The following ASB5 variants were observed in gnomAD, a reference collection of about 807,000 sequenced individuals.
ASB5 encodes ankyrin repeat and SOCS box protein 5.
A neutral mutation model predicts 42.1 loss-of-function variants in ASB5; 45 were observed. The observed-to-expected ratio is 1.07, with a 90% confidence interval of 0.84 to 1.37. The LOEUF (loss-of-function observed/expected upper bound fraction) is 1.37. Ranked by LOEUF, ASB5 falls within the 40% of genes most tolerant of loss-of-function variation. The pLI is 0.00. For missense variants in ASB5, 402 were observed against 399.8 expected, an observed-to-expected ratio of 1.01 and a Z score of -0.05; for synonymous variants, 147 against 150.6, an observed-to-expected ratio of 0.98 and a Z score of 0.18.
chr4:176,268,469 T>C (rs1754403049), intron 1 of ASB5, among the ~76,000 whole-genome samples: 1 of 152,148 alleles, frequency 6.6e-6, no homozygotes, highest in Non-Finnish European at 1.5e-5. Flanking sequence ...AATCCCCTCT[T>C]TTTAATAACA....
chr4:176,220,710 GA>G (rs1191956445), intron 5 of ASB5, among the ~76,000 whole-genome samples: 1 of 152,166 alleles, frequency 6.6e-6, no homozygotes, highest in Non-Finnish European at 1.5e-5. Flanking sequence ...ACAAAGTCTA[GA>G]AAAGTGCATG....
intron 5 of ASB5, among the ~76,000 whole-genome samples, chr4:176,217,990 A>G (rs72706381): frequency 0.2 from 29,568 of 151,234 alleles, 3,226 homozygotes; most frequent in Admixed American, 0.25. Context: ...ACAAATATAA[A>G]ATGTTTCGTG....
chr4:176,238,812 C>T (rs76064547), intron 1 of ASB5, among the ~76,000 whole-genome samples: 19,424 of 152,194 alleles, frequency 0.13, 1,550 homozygotes, highest in East Asian at 0.35. Context: ...CATTTGCTGC[C>T]ATATTACACT....
At chr4:176,216,570 T>C (rs1225659197) in intron 6 of ASB5, among the ~76,000 whole-genome samples, 1 of 152,136 alleles carries the variant, frequency 6.6e-6, no homozygotes, top group Non-Finnish European at 1.5e-5. Flanking sequence ...AGGATGGCCT[T>C]GATCTCTTGA....
intron 1 of ASB5, among the ~76,000 whole-genome samples, chr4:176,244,144 C>T (rs1018090696): frequency 6.6e-6 from 1 of 151,674 alleles, no homozygotes; most frequent in African/African-American, 2.4e-5. Context: ...TTTTATAATC[C>T]CATATTTCTC....
intron 1 of ASB5, among the ~76,000 whole-genome samples, chr4:176,240,437 A>G (rs1753787763): frequency 6.6e-6 from 1 of 152,222 alleles, no homozygotes; most frequent in South Asian, 2.1e-4. Context: ...TTGGTCACTA[A>G]TCCTCAGTGG....
intron 1 of ASB5, among the ~76,000 whole-genome samples, chr4:176,254,996 G>T (rs1465641302): frequency 6.6e-6 from 1 of 152,168 alleles, no homozygotes; most frequent in Non-Finnish European, 1.5e-5. Context: ...CAGGCATGGT[G>T]GCGCGTGCCT....
At chr4:176,249,495 A>G (rs1753980166) in intron 1 of ASB5, 1 of 152,074 alleles carries the variant, frequency 6.6e-6, no homozygotes, top group East Asian at 1.9e-4. Context: ...CTTTATTCCA[A>G]CCTGCAGTCT....
chr4:176,262,462 G>A (rs922991378), intron 1 of ASB5, among the ~76,000 whole-genome samples: 1 of 152,152 alleles, frequency 6.6e-6, no homozygotes, highest in African/African-American at 2.4e-5. Context: ...TGTGAATAAG[G>A]ATGCATGCTT....
At position 176,221,272 on chromosome 4, in the gene ASB5, C is replaced by G; in HGVS notation, c.553G>C (p.Asp185His). 1 of 1,614,034 alleles carries G rather than the reference C, an allele frequency of 6.2e-7. No individual in the cohort carries two copies. The highest frequency in any genetic ancestry group is 8.5e-7 in the Non-Finnish European group (1 of 1,179,978). Residue 185 changes from aspartate (D) to histidine (H), a missense_variant, in exon 5 of 7, where the codon GAC (aspartate) becomes CAC (histidine). Asp to His is a moderately conservative substitution (Grantham distance 81). Coordinates refer to ENST00000296525, the MANE Select transcript of ASB5 (RefSeq NM_080874.4). ...AASKGHHECL[D>H]ILISWGIDVD... ...TCTATGCCCCAGGATATCAGGATGT[C>G]AAGACATTCATGGTGACCTGCCAAC...
At chr4:176,223,283 A>G (rs1265338633) in intron 2 of ASB5, among the ~76,000 whole-genome samples, 4 of 152,180 alleles carry the variant, frequency 2.6e-5, no homozygotes, top group Non-Finnish European at 5.9e-5. Context: ...AATTTGGACA[A>G]ATACCTTAAC....
chr4:176,217,848 T>G (rs1753016519), intron 5 of ASB5, among the ~76,000 whole-genome samples: 2 of 152,024 alleles, frequency 1.3e-5, no homozygotes, highest in African/African-American at 2.4e-5. Context: ...TAAGTTCTTT[T>G]CAACTCTGTT....
chr4:176,265,254 C>G (rs1194137658), intron 1 of ASB5, among the ~76,000 whole-genome samples: 1 of 152,142 alleles, frequency 6.6e-6, no homozygotes, highest in Non-Finnish European at 1.5e-5. Flanking sequence ...TCCCAACAGT[C>G]CATGTGCACC....
intron 1 of ASB5, among the ~76,000 whole-genome samples, chr4:176,251,859 C>G (rs1416536596): frequency 6.6e-6 from 1 of 151,176 alleles, no homozygotes; most frequent in Non-Finnish European, 1.5e-5. Context: ...CCCAGGAGTT[C>G]GAGACCACCC....
At chr4:176,227,129 G>C (rs971212941) in intron 1 of ASB5, among the ~76,000 whole-genome samples, 5 of 152,202 alleles carry the variant, frequency 3.3e-5, no homozygotes, top group Non-Finnish European at 7.3e-5. Context: ...TCTGGAGTTA[G>C]ACCATATGAC....
In ASB5 at chr4:176,215,622, T is replaced by G; in HGVS notation, c.968A>C (p.Lys323Thr). Residue 323 changes from lysine to threonine, a missense_variant, in exon 7 of 7, where the codon AAG becomes ACG. Coordinates refer to ENST00000296525, the MANE Select transcript of ASB5 (RefSeq NM_080874.4). Reference sequence around the variant, plus strand: ...GTTTTATCGATACTGTAAGAAATTCTTCAGTAACGTTGGCAGCTGGAGTTG... The same window carrying G: ...GTTTTATCGATACTGTAAGAAATTCGTCAGTAACGTTGGCAGCTGGAGTTG... ...IPQLQLPTLL[K>T]NFLQYR The G allele has an allele frequency of 1.2e-6, 2 of 1,613,088 alleles. No homozygotes were observed. The highest frequency in any genetic ancestry group is 2.2e-5 in the South Asian group (2 of 91,006).
At chr4:176,227,541 C>T (rs113443549) in intron 1 of ASB5, among the ~76,000 whole-genome samples, 24 of 152,304 alleles carry the variant, frequency 1.6e-4, no homozygotes, top group African/African-American at 5.8e-4. Flanking sequence ...ACAGTCCTCA[C>T]CATATGCCCA....
intron 1 of ASB5, among the ~76,000 whole-genome samples, chr4:176,265,388 G>C (rs1754337175): frequency 6.6e-6 from 1 of 152,178 alleles, no homozygotes; most frequent in African/African-American, 2.4e-5. Context: ...GGCAGTGAGT[G>C]TTCTGGAAAG....
At chr4:176,243,589 G>A (rs543317868) in intron 1 of ASB5, among the ~76,000 whole-genome samples, 2 of 152,064 alleles carry the variant, frequency 1.3e-5, no homozygotes, top group South Asian at 2.1e-4. Context: ...CGCAACCTCC[G>A]TCTCCCAGGT....
Sources: allele counts gnomAD v4.1 joint callset (sites outside exome capture counted in the v4.1 genomes callset), GRCh38; gene constraint gnomAD v4.1.1; transcripts MANE v1.5; gene names NCBI Gene and HGNC (gene_info 2026-07-23, HGNC 2026-07-21).